MYCBP: variants seen among roughly 807,000 people sequenced by gnomAD.
The protein encoded by MYCBP is MYC binding protein.
Under a neutral mutation model 16.8 loss-of-function variants are expected in MYCBP, and 5 were observed. The observed-to-expected ratio is 0.30, with a 90% CI of 0.16 to 0.63. The LOEUF (loss-of-function observed/expected upper bound fraction) is 0.63, where lower values mean the gene tolerates loss of function less well. Among genes scored for constraint, MYCBP ranks in the 20% least tolerant of loss-of-function variants. The pLI, the probability that MYCBP is intolerant of heterozygous loss-of-function variation, is 0.83. For synonymous variants in MYCBP, 35 were observed against 43.7 expected (o/e 0.80, Z 0.79); for missense variants, 103 against 121.8 (o/e 0.85, Z 0.73).
chr1:38,867,100 C>A, intron 3 of MYCBP, 91 bp from the exon 4 acceptor site: 1 of 1,166,032 alleles, frequency 8.6e-7, no homozygotes, highest in East Asian at 2.5e-5. Context: ...CCAGAGTCAC[C>A]CACTTTACCA....
intron 2 of MYCBP, among the ~76,000 whole-genome samples, chr1:38,871,242 C>G (rs1044319322): frequency 5.9e-5 from 9 of 152,074 alleles, no homozygotes; most frequent in Non-Finnish European, 1.0e-4. Flanking sequence ...TAGTCAGTTA[C>G]CGCCTACAAC....
chr1:38,873,154 G>A, intron 1 of MYCBP, 64 bp from the exon 2 acceptor site: 1 of 1,551,292 alleles, frequency 6.4e-7, no homozygotes, highest in Non-Finnish European at 8.7e-7. Flanking sequence ...GGCGCTGGGA[G>A]TCCGGCAACC....
At chr1:38,872,347 T>C (rs1200691562) in intron 2 of MYCBP, among the ~76,000 whole-genome samples, 1 of 152,234 alleles carries the variant, frequency 6.6e-6, no homozygotes, top group Non-Finnish European at 1.5e-5. Context: ...TCCAACACTT[T>C]ACTCATCTAC....
chr1:38,870,749 C>T (rs1313345854), intron 2 of MYCBP, among the ~76,000 whole-genome samples: 1 of 123,080 alleles, frequency 8.1e-6, no homozygotes, highest in Non-Finnish European at 1.6e-5. Context: ...GCCGAGATTG[C>T]GCCACTGCAG....
chr1:38,871,076 C>T (rs1003488645), intron 2 of MYCBP, among the ~76,000 whole-genome samples: 4 of 152,000 alleles, frequency 2.6e-5, no homozygotes, highest in African/African-American at 9.7e-5. Context: ...CGCCTCTCTA[C>T]TAAAAATACA....
At chr1:38,866,071 A>G (rs1033253403) in intron 4 of MYCBP, among the ~76,000 whole-genome samples, 1 of 12,452 alleles carries the variant, frequency 8.0e-5, no homozygotes, top group Admixed American at 6.6e-4. Context: ...TTTTTGAGAC[A>G]GAGTTTCATT....
Position 38,864,570 on chromosome 1 carries a change from A to G in MYCBP, c.*100T>C, listed in dbSNP as rs950032770. 2.5e-6 allele frequency: 3 copies of G among 1,206,928 alleles called. No individual in the cohort carries two copies. Among genetic ancestry groups the G allele is most frequent in the African/African-American group, 3.0e-5 (2 of 65,768 alleles). 74.8% of individuals were successfully genotyped at this position (1,206,928 alleles called of 1,614,324 possible). On this transcript the variant is annotated 3_prime_UTR_variant, in exon 5 of 5. Coordinates refer to ENST00000397572, the MANE Select transcript of MYCBP (RefSeq NM_012333.5). Reference sequence around the variant, plus strand: ...TGTGATAGGTGAATTAAACATATTAAAAGAGTTCTATAGCATCTGTTCAGA... The same window carrying G: ...TGTGATAGGTGAATTAAACATATTAGAAGAGTTCTATAGCATCTGTTCAGA...
chr1:38,870,382 G>A (rs1009769945), intron 2 of MYCBP, among the ~76,000 whole-genome samples: 9 of 151,858 alleles, frequency 5.9e-5, no homozygotes, highest in African/African-American at 1.2e-4. Flanking sequence ...GTGAGGCTGG[G>A]CACAGTGGGT....
chr1:38,867,251 C>T (rs1228059717), intron 3 of MYCBP, among the ~76,000 whole-genome samples: 3 of 151,940 alleles, frequency 2.0e-5, no homozygotes, highest in Non-Finnish European at 4.4e-5. Context: ...TTGAGACCAA[C>T]GTGATGAACA....
chr1:38,863,355 T>C lies in MYCBP; in HGVS notation c.*1315A>G, dbSNP rs546223231. ...TGTGTGTTTTGACCAAAAACAAAGA[T>C]AGGTTCTCTAACAACAGGGAGAGAA... On this transcript the variant is annotated 3_prime_UTR_variant, in exon 5 of 5. Transcript: ENST00000397572. 1 of 152,198 alleles carries C rather than the reference T, an allele frequency of 6.6e-6. No individual in the cohort carries two copies. Among genetic ancestry groups the C allele is most frequent in the African/African-American group, 2.4e-5 (1 of 41,442 alleles). The allele number at this position is 152,198 out of a possible 1,614,324, so 9.4% of individuals were successfully genotyped here.
At chr1:38,873,266 C>T (rs1241799698) in intron 1 of MYCBP, 25 bp downstream of exon 1, 1 of 1,599,460 alleles carries the variant, frequency 6.3e-7, no homozygotes, top group Non-Finnish European at 8.5e-7. Context: ...CCCGCATGCC[C>T]CCAGCCACGC....
chr1:38,870,920 G>A (rs1015460248), intron 2 of MYCBP, among the ~76,000 whole-genome samples: 1 of 151,464 alleles, frequency 6.6e-6, no homozygotes, highest in Admixed American at 6.6e-5. Context: ...TGTTATTTAG[G>A]AGCCTGGAAA....
chr1:38,870,799 CAAAAAAAAAA>C (rs60684785), intron 2 of MYCBP, among the ~76,000 whole-genome samples: 9 of 60,682 alleles, frequency 1.5e-4, no homozygotes, highest in Non-Finnish European at 1.9e-4. Flanking sequence ...GACTCCGTCT[CAAAAAAAAAA>C]AAAAAAAAAA....
rs543281688 is a variant in MYCBP at position 38,863,024 on chromosome 1, C to T, written c.*1646G>A. On this transcript the variant is annotated 3_prime_UTR_variant, in exon 5 of 5. Coordinates refer to ENST00000397572, the MANE Select transcript of MYCBP (RefSeq NM_012333.5). ...ATAATGGTCTGCCACAGGTCCTAAC[C>T]CACACTGTATTTGATTATATACAGT... 1 of 152,286 alleles carries T rather than the reference C, an allele frequency of 6.6e-6. No homozygotes were observed. The highest frequency in any genetic ancestry group is 1.9e-4 in the East Asian group (1 of 5,182). 9.4% of individuals were successfully genotyped at this position (152,286 alleles called of 1,614,324 possible). A position where few individuals can be genotyped will look rare whatever the true frequency, so the allele number is the denominator to read the frequency against.
intron 2 of MYCBP, among the ~76,000 whole-genome samples, chr1:38,871,570 G>A (rs1642468447): frequency 6.7e-6 from 1 of 148,312 alleles, no homozygotes; most frequent in Admixed American, 6.7e-5. Context: ...CACACACCAT[G>A]CCCAGCAATT....
chr1:38,870,377 G>A (rs1642435902), intron 2 of MYCBP, among the ~76,000 whole-genome samples: 1 of 151,830 alleles, frequency 6.6e-6, no homozygotes, highest in Non-Finnish European at 1.5e-5. Context: ...AATTTGTGAG[G>A]CTGGGCACAG....
In MYCBP at chr1:38,862,882, C is replaced by T. The variant is rs1473603734; in HGVS notation, c.*1788G>A. 6.6e-6 allele frequency: 1 copy of T among 152,122 alleles called. No homozygotes were observed. The highest frequency in any genetic ancestry group is 1.5e-5 in the Non-Finnish European group (1 of 68,018). 9.4% of individuals were successfully genotyped at this position (152,122 alleles called of 1,614,324 possible). On this transcript the variant is annotated 3_prime_UTR_variant, in exon 5 of 5. Transcript: ENST00000397572. ...ATACTAATCAAATGAGTAAAAAGCC[C>T]ATGAGGATTGGCTGCCACAAAAAAT...
chr1:38,867,252 G>A (rs1294434911), intron 3 of MYCBP, among the ~76,000 whole-genome samples: 3 of 151,968 alleles, frequency 2.0e-5, no homozygotes, highest in African/African-American at 4.8e-5. Context: ...TGAGACCAAC[G>A]TGATGAACAT....
chr1:38,869,170 C>T (rs1306974181), intron 2 of MYCBP, among the ~76,000 whole-genome samples: 3 of 150,196 alleles, frequency 2.0e-5, no homozygotes, highest in Non-Finnish European at 4.4e-5. Context: ...CTCACCACAA[C>T]CCCCGCCTCC....
Sources: allele counts gnomAD v4.1 joint callset (sites outside exome capture counted in the v4.1 genomes callset), GRCh38; gene constraint gnomAD v4.1.1; transcripts MANE v1.5; gene names NCBI Gene and HGNC (gene_info 2026-07-23, HGNC 2026-07-21).